PRIM2: variants seen among roughly 807,000 people sequenced by gnomAD.
The protein encoded by PRIM2 is DNA primase subunit 2, also known as DNA primase large subunit.
In PRIM2, 39 loss-of-function variants were observed where a neutral mutation model predicts 67.3. The ratio of observed to expected loss-of-function variants is 0.58; its 90% CI spans 0.45 to 0.76. The LOEUF (loss-of-function observed/expected upper bound fraction) is 0.76. PRIM2 is among the 30% of genes least tolerant of loss of function. PRIM2 has a pLI of 0.00. For missense variants in PRIM2, 398 were observed against 598.7 expected (o/e 0.66, Z 3.50); for synonymous variants, 143 against 198.7 (o/e 0.72, Z 2.36).
At position 57,429,346 on chromosome 6, in the gene PRIM2, C is replaced by G. The variant is rs556926488; in HGVS notation, c.693+47178C>G. 7.9e-3 allele frequency among the ~76,000 whole-genome samples: 1,201 copies of G among 152,268 alleles called. 10 individuals carry two copies. Among genetic ancestry groups the G allele is most frequent in the African/African-American group, 0.027 (1,131 of 41,530 alleles). On this transcript the variant is annotated intron_variant, in intron 7 of 13. Coordinates refer to ENST00000615550, the MANE Select transcript of PRIM2 (RefSeq NM_000947.5). ...CTAGACCAACTCAACAGGATTCTTGCTGAAGACAGGCCAGGGTGGTAAATT... is the reference window on the plus strand; with the variant it reads ...CTAGACCAACTCAACAGGATTCTTGGTGAAGACAGGCCAGGGTGGTAAATT...
At chr6:57,286,893 T>A in the PRIM2 span, among the ~76,000 whole-genome samples, 31 of 152,170 alleles carry the variant, frequency 2.0e-4, no homozygotes, top group East Asian at 6.0e-3. Context: ...GTCTACAAGG[T>A]ACTTAAACAA....
At chr6:57,444,343 C>T (rs997728532) in intron 7 of PRIM2, among the ~76,000 whole-genome samples, 2 of 151,984 alleles carry the variant, frequency 1.3e-5, no homozygotes, top group East Asian at 1.9e-4. Flanking sequence ...CCGAGGCGGG[C>T]GGATCACTAG....
chr6:57,562,229 A>G (rs1408389457), intron 10 of PRIM2, among the ~76,000 whole-genome samples: 3 of 152,214 alleles, frequency 2.0e-5, no homozygotes, highest in African/African-American at 7.2e-5. Context: ...TGAAAAATTA[A>G]GAGAATTACC....
intron 7 of PRIM2, among the ~76,000 whole-genome samples, chr6:57,414,289 G>C (rs1771188022): frequency 6.6e-6 from 1 of 152,146 alleles, no homozygotes; most frequent in East Asian, 1.9e-4. Flanking sequence ...TATGACAGTT[G>C]AGAAACATAG....
At chr6:57,338,611 T>C (rs1768356491) in intron 5 of PRIM2, among the ~76,000 whole-genome samples, 1 of 151,190 alleles carries the variant, frequency 6.6e-6, no homozygotes, top group African/African-American at 2.4e-5. Context: ...AACCACATGA[T>C]TATCTCAATA....
intron 10 of PRIM2, among the ~76,000 whole-genome samples, chr6:57,561,684 A>G (rs1775633769): frequency 1.3e-5 from 2 of 152,212 alleles, no homozygotes; most frequent in Admixed American, 1.3e-4. Context: ...ATCTTTCTCC[A>G]CATCAGCACT....
intron 5 of PRIM2, among the ~76,000 whole-genome samples, chr6:57,372,769 G>A (rs1769607541): frequency 6.6e-6 from 1 of 152,176 alleles, no homozygotes; most frequent in South Asian, 2.1e-4. Context: ...CCATGTCCCT[G>A]CAAAGGACAT....
intron 10 of PRIM2, among the ~76,000 whole-genome samples, chr6:57,591,126 G>C (rs1319263369): frequency 6.6e-6 from 1 of 152,124 alleles, no homozygotes; most frequent in African/African-American, 2.4e-5. Flanking sequence ...GAGTTAAAGG[G>C]AAGTATTTGG....
intron 5 of PRIM2, among the ~76,000 whole-genome samples, chr6:57,336,210 GA>G (rs1164536039): frequency 2.0e-5 from 3 of 152,208 alleles, no homozygotes; most frequent in African/African-American, 7.2e-5. Context: ...GGGACTATGT[GA>G]AAAGACCAAA....
rs2024226 is a variant in PRIM2 at position 57,345,504 on chromosome 6, G to A, written c.459+19459G>A. On this transcript the variant is annotated intron_variant, in intron 5 of 13. Coordinates refer to ENST00000615550, the MANE Select transcript of PRIM2 (RefSeq NM_000947.5). ...TGTGTGTGTGTGTGTGTGTGTGTGT[G>A]TGTACATACATATATATTTATATCC... Among the ~76,000 whole-genome samples the A allele has an allele frequency of 2.5e-3, 174 of 69,970 alleles. 2 individuals are homozygous for A. The highest frequency in any genetic ancestry group is 9.6e-3 in the African/African-American group (138 of 14,346). The allele number at this position is 69,970 out of a possible 152,430, so 45.9% of individuals were successfully genotyped here. A position where few individuals can be genotyped will look rare whatever the true frequency, so the allele number is the denominator to read the frequency against.
At chr6:57,478,664 A>G (rs1453244813) in intron 7 of PRIM2, among the ~76,000 whole-genome samples, 2 of 152,154 alleles carry the variant, frequency 1.3e-5, no homozygotes, top group African/African-American at 4.8e-5. Flanking sequence ...TAGAATTTAT[A>G]TTGACTTTGA....
rs1318012753 is a variant in PRIM2 at position 57,537,548 on chromosome 6, G to A, written c.943G>A (p.Gly315Ser). 6.3e-7 allele frequency: 1 copy of A among 1,589,488 alleles called. No homozygotes were observed. The highest frequency in any genetic ancestry group is 8.6e-7 in the Non-Finnish European group (1 of 1,164,896). The change falls in exon 10 of 14, where the codon GGC becomes AGC. Residue 315 changes from glycine to serine, a missense_variant. By Grantham distance (56) the Gly-to-Ser change is moderately conservative. Transcript: ENST00000615550. ...AATGCAGTATGGCCTATTTCTGAAG[G>A]GCATTGGTTTAACTTTGGAACAGGC... is the stretch of plus-strand genomic sequence containing the variant. ...GRMQYGLFLK[G>S]IGLTLEQALQ...
chr6:57,370,909 G>A (rs1193828288), intron 5 of PRIM2, among the ~76,000 whole-genome samples: 1 of 151,968 alleles, frequency 6.6e-6, no homozygotes, highest in African/African-American at 2.4e-5. Flanking sequence ...TGTTGGCCAG[G>A]CTGGGCTCAA....
At chr6:57,467,822 TC>T (rs1252869060) in intron 7 of PRIM2, among the ~76,000 whole-genome samples, 276 of 152,286 alleles carry the variant, frequency 1.8e-3, no homozygotes, top group African/African-American at 6.4e-3. Flanking sequence ...GGTTTGTAGT[TC>T]TCCTTCAAGA....
intron 3 of PRIM2, among the ~76,000 whole-genome samples, chr6:57,321,089 G>T (rs916433545): frequency 6.6e-6 from 1 of 152,146 alleles, no homozygotes; most frequent in Non-Finnish European, 1.5e-5. Flanking sequence ...TGTTAGGAGG[G>T]AAACCAGTTA....
intron 10 of PRIM2, among the ~76,000 whole-genome samples, chr6:57,556,208 G>A (rs1775510481): frequency 6.6e-6 from 1 of 152,170 alleles, no homozygotes; most frequent in South Asian, 2.1e-4. Flanking sequence ...CATTAAAATG[G>A]CCATTCTGCC....
intron 5 of PRIM2, among the ~76,000 whole-genome samples, chr6:57,348,705 G>A (rs538395385): frequency 2.0e-5 from 3 of 150,960 alleles, no homozygotes; most frequent in Non-Finnish European, 4.4e-5. Flanking sequence ...AGTGCACTGA[G>A]TAGTTCTGTA....
chr6:57,328,227 C>T (rs1225439407), intron 5 of PRIM2, among the ~76,000 whole-genome samples: 1 of 152,094 alleles, frequency 6.6e-6, no homozygotes, highest in African/African-American at 2.4e-5. Flanking sequence ...TTGACATGCA[C>T]CCTTTTACAA....
At chr6:57,429,944 T>C (rs1581896443) in intron 7 of PRIM2, among the ~76,000 whole-genome samples, 1 of 152,332 alleles carries the variant, frequency 6.6e-6, no homozygotes, top group South Asian at 2.1e-4. Flanking sequence ...ATCTTTTCAT[T>C]TGCTTATTTT....
Sources: gnomAD v4.1 joint callset for allele counts (sites outside exome capture counted in the v4.1 genomes callset) on GRCh38, gnomAD v4.1.1 for gene constraint, MANE v1.5 for transcripts, NCBI Gene and HGNC (gene_info 2026-07-23, HGNC 2026-07-21) for gene names.